SATB2: variants seen among roughly 807,000 people sequenced by gnomAD.
The protein encoded by SATB2 is SATB homeobox 2.
A neutral mutation model predicts 73.4 loss-of-function variants in SATB2; 1 was observed. The ratio of observed to expected loss-of-function variants is 0.01; its 90% CI spans 0.00 to 0.06. SATB2 has a LOEUF of 0.06. Among genes scored for constraint, SATB2 ranks in the 10% least tolerant of loss-of-function variants. SATB2 has a pLI of 1.00. For synonymous variants in SATB2, 397 were observed against 367.0 expected (o/e 1.08, Z -0.93); for missense variants, 459 against 945.8 (o/e 0.49, Z 6.75).
intron 2 of SATB2, among the ~76,000 whole-genome samples, chr2:199,437,538 TGTG>T (rs1406440853): frequency 6.6e-6 from 1 of 152,190 alleles, no homozygotes; most frequent in Non-Finnish European, 1.5e-5. Context: ...AATGGTTAGA[TGTG>T]GTGATGAACA....
chr2:199,333,401 G>GA (rs574334904), intron 7 of SATB2, among the ~76,000 whole-genome samples: 18 of 151,714 alleles, frequency 1.2e-4, no homozygotes, highest in Non-Finnish European at 1.9e-4. Flanking sequence ...AGGATTCAGG[G>GA]AAAAAAAATT....
At chr2:199,440,025 G>C (rs1365743110) in intron 2 of SATB2, among the ~76,000 whole-genome samples, 1 of 152,140 alleles carries the variant, frequency 6.6e-6, no homozygotes, top group Non-Finnish European at 1.5e-5. Flanking sequence ...AGAATGGCTT[G>C]AACCCAGGAG....
chr2:199,364,865 G>A (rs528395456), intron 6 of SATB2, among the ~76,000 whole-genome samples: 41 of 152,064 alleles, frequency 2.7e-4, no homozygotes, highest in African/African-American at 7.7e-4. Flanking sequence ...TTATTAAGGC[G>A]TTTTCTTATT....
At chr2:199,311,160 A>G (rs1687583476) in intron 9 of SATB2, among the ~76,000 whole-genome samples, 3 of 152,178 alleles carry the variant, frequency 2.0e-5, no homozygotes, top group Admixed American at 6.5e-5. Flanking sequence ...AATTTCTGGC[A>G]CAGGGAGGTA....
intron 3 of SATB2, among the ~76,000 whole-genome samples, chr2:199,405,396 TG>T (rs1377100477): frequency 6.6e-6 from 1 of 152,138 alleles, no homozygotes; most frequent in Non-Finnish European, 1.5e-5. Flanking sequence ...ATGAAGATTC[TG>T]GGATCTACCA....
intron 2 of SATB2, among the ~76,000 whole-genome samples, chr2:199,437,596 T>C (rs1002288382): frequency 2.0e-5 from 3 of 152,176 alleles, no homozygotes; most frequent in African/African-American, 7.2e-5. Context: ...TTTTTACCTG[T>C]GTGTGACCTT....
rs1279985513 is a variant in SATB2 at position 199,323,710 on chromosome 2, T to C, written c.1542+93A>G. On this transcript the variant is annotated intron_variant, in intron 9 of 10. Coordinates refer to ENST00000417098, the MANE Select transcript of SATB2 (RefSeq NM_001172509.2). ...GGTTTCTTGGGGGTTATTACTGTTA[T>C]TATTATTATAGGAACAGATGTATTT... 5.4e-6 allele frequency: 7 copies of C among 1,296,032 alleles called. No homozygotes were observed. In the African/African-American group the frequency reaches 5.8e-5, roughly 11 times the overall value. 80.3% of individuals were successfully genotyped at this position (1,296,032 alleles called of 1,614,324 possible). A position where few individuals can be genotyped will look rare whatever the true frequency, so the allele number is the denominator to read the frequency against.
intron 6 of SATB2, among the ~76,000 whole-genome samples, chr2:199,355,032 C>A (rs1688929430): frequency 6.6e-6 from 1 of 151,720 alleles, no homozygotes; most frequent in Non-Finnish European, 1.5e-5. Flanking sequence ...GGTATTTGGT[C>A]CAAAAATCTT....
chr2:199,277,513 C>T (rs1692353598), intron 10 of SATB2, among the ~76,000 whole-genome samples: 2 of 152,098 alleles, frequency 1.3e-5, no homozygotes, highest in South Asian at 4.1e-4. Context: ...TCAACTCATC[C>T]TATTTCTTTT....
upstream of SATB2, among the ~76,000 whole-genome samples, chr2:199,459,328 GCGGCCGCCGGCAGCCCGACTC>G (rs1328118109): frequency 6.6e-6 from 1 of 151,994 alleles, no homozygotes; most frequent in Non-Finnish European, 1.5e-5. This position sits in a 1 kb window ranked among gnomAD's most constrained non-coding sequence, Gnocchi z 4.2. Flanking sequence ...TCCCGCGGCC[GCGGCCGCCGGCAGCCCGACTC>G]CGGCCGCGGT....
Position 199,403,695 on chromosome 2 carries a change from G to A in SATB2, c.347-21875C>T, listed in dbSNP as rs149656903. On this transcript the variant is annotated intron_variant, in intron 3 of 10. Coordinates refer to ENST00000417098, the MANE Select transcript of SATB2 (RefSeq NM_001172509.2). ...AATAAATTCTTGACTATTTTCGGAT[G>A]AGAAACCCTCCAATTTAGAAATCTT... Among the ~76,000 whole-genome samples the A allele has an allele frequency of 2.9e-3, 435 of 152,272 alleles. 1 individual carries two copies. Among genetic ancestry groups the A allele is most frequent in the African/African-American group, 9.5e-3 (395 of 41,564 alleles).
chr2:199,464,258 C>G lies in SATB2; in HGVS notation c.-141+578G>C, dbSNP rs1692545511. Among the ~76,000 whole-genome samples the G allele has an allele frequency of 6.6e-6, 1 of 152,202 alleles. No individual in the cohort carries two copies. The highest frequency in any genetic ancestry group is 6.5e-5 in the Admixed American group (1 of 15,288). Reference sequence around the variant, plus strand: ...CCCACCCCGTGGTGCCTTCCCTCCCCGCCCTACAGCCAAGCCCAGAGGAAC... The same window carrying G: ...CCCACCCCGTGGTGCCTTCCCTCCCGGCCCTACAGCCAAGCCCAGAGGAAC... On this transcript the variant is annotated intron_variant, in intron 1 of 11. Transcript: ENST00000260926. This position sits in a 1 kb window ranked among gnomAD's most constrained non-coding sequence, Gnocchi z 6.6.
chr2:199,377,445 T>A (rs914582205), intron 5 of SATB2, among the ~76,000 whole-genome samples: 1 of 152,158 alleles, frequency 6.6e-6, no homozygotes, highest in Non-Finnish European at 1.5e-5. Context: ...AAACTTGGCA[T>A]TAAATTTTAA....
Position 199,464,580 on chromosome 2 carries a change from G to T in SATB2, c.-141+256C>A, listed in dbSNP as rs1354495049. 6.6e-6 allele frequency among the ~76,000 whole-genome samples: 1 copy of T among 152,130 alleles called. No individual in the cohort carries two copies. The highest frequency in any genetic ancestry group is 1.9e-4 in the East Asian group (1 of 5,176). Reference sequence around the variant, plus strand: ...GAGCCCTGGAGGTCTGAGACGCCCCGCGCCCGACTCACGGCGCGAACACCA... The same window carrying T: ...GAGCCCTGGAGGTCTGAGACGCCCCTCGCCCGACTCACGGCGCGAACACCA... On this transcript the variant is annotated intron_variant, in intron 1 of 11. Coordinates refer to the SATB2 transcript ENST00000260926. This position sits in a 1 kb window ranked among gnomAD's most constrained non-coding sequence, Gnocchi z 6.6.
chr2:199,441,379 T>C (rs1306452404), intron 2 of SATB2, among the ~76,000 whole-genome samples: 4 of 152,182 alleles, frequency 2.6e-5, no homozygotes, highest in Non-Finnish European at 4.4e-5. Context: ...TTACAATATA[T>C]TGAATATTAT....
At chr2:199,456,441 C>T (rs1291291987) in intron 1 of SATB2, among the ~76,000 whole-genome samples, 1 of 152,250 alleles carries the variant, frequency 6.6e-6, no homozygotes, top group Non-Finnish European at 1.5e-5. Context: ...CCTAGCCCGT[C>T]CCGGGGTCAG....
intron 3 of SATB2, among the ~76,000 whole-genome samples, chr2:199,386,716 G>GCACACA (rs61568459): frequency 5.4e-4 from 5 of 9,266 alleles, no homozygotes; most frequent in African/African-American, 8.0e-4. Flanking sequence ...GCGCGCGCGC[G>GCACACA]CACACACACA....
At chr2:199,274,404 G>A (rs1692250402) in intron 10 of SATB2, among the ~76,000 whole-genome samples, 1 of 152,066 alleles carries the variant, frequency 6.6e-6, no homozygotes, top group Admixed American at 6.6e-5. Flanking sequence ...AAGGCCATAT[G>A]ATGAAAAAAT....
At chr2:199,329,555 C>T (rs1011831) in intron 7 of SATB2, among the ~76,000 whole-genome samples, 18,387 of 151,762 alleles carry the variant, frequency 0.12, 1,339 homozygotes, top group South Asian at 0.32. Context: ...TTTCATGAGA[C>T]GTCTTCATGG....
Sources: allele counts gnomAD v4.1 joint callset (sites outside exome capture counted in the v4.1 genomes callset), GRCh38; gene constraint gnomAD v4.1.1; non-coding constraint Gnocchi (gnomAD v3.1); transcripts MANE v1.5; gene names NCBI Gene and HGNC (gene_info 2026-07-23, HGNC 2026-07-21).